Variants in CHURC1 observed in about 807,000 individuals in gnomAD.
The protein encoded by CHURC1 is churchill domain containing 1.
A neutral mutation model predicts 15.4 loss-of-function variants in CHURC1; 12 were observed. The ratio of observed to expected loss-of-function variants is 0.78; its 90% confidence interval spans 0.50 to 1.27. CHURC1 has a LOEUF of 1.27. Ranked by LOEUF, CHURC1 falls within the 50% of genes most tolerant of loss-of-function variation. The probability of loss-of-function intolerance (pLI) is 0.00; values close to 1 mark genes in which losing one functional copy is unlikely to be tolerated. For synonymous variants in CHURC1, 42 were observed against 47.5 expected (o/e 0.88, Z 0.48); for missense variants, 132 against 137.8 (o/e 0.96, Z 0.21).
At chr14:64,926,990 C>CTTTTTTTTTT (rs1208318047) in intron 3 of CHURC1, among the ~76,000 whole-genome samples, 1 of 152,134 alleles carries the variant, frequency 6.6e-6, no homozygotes, top group Non-Finnish European at 1.5e-5. Context: ...GGTTGAGTTA[C>CTTTTTTTTTT]TTATTTTGTG....
intron 1 of CHURC1, among the ~76,000 whole-genome samples, chr14:64,920,445 T>G (rs1285861394): frequency 6.6e-6 from 1 of 152,234 alleles, no homozygotes; most frequent in African/African-American, 2.4e-5. Flanking sequence ...AATTTGGATG[T>G]TAATAGTCTT....
chr14:64,930,804 C>T, intron 3 of CHURC1: 1 of 453,658 alleles, frequency 2.2e-6, no homozygotes, highest in African/African-American at 2.0e-5. Context: ...TAAAAGGTTG[C>T]CATCCAAATA....
chr14:64,934,233 C>G lies in CHURC1; in HGVS notation c.*2003C>G. On this transcript the variant is annotated 3_prime_UTR_variant, in exon 4 of 4. Transcript: ENST00000549115. Reference sequence around the variant, plus strand: ...GGGTGGTGGTATGCACCTGCAGTCCCAGCAACATGGGAGGCTGAACAGGAG... The same window carrying G: ...GGGTGGTGGTATGCACCTGCAGTCCGAGCAACATGGGAGGCTGAACAGGAG... 1 of 313,638 alleles carries G rather than the reference C, an allele frequency of 3.2e-6. No homozygotes were observed. The highest frequency in any genetic ancestry group is 4.6e-6 in the Non-Finnish European group (1 of 216,202). The allele number at this position is 313,638 out of a possible 1,614,324, so 19.4% of individuals were successfully genotyped here.
chr14:64,927,644 C>T (rs1884799773), intron 3 of CHURC1, among the ~76,000 whole-genome samples: 1 of 150,640 alleles, frequency 6.6e-6, no homozygotes. Flanking sequence ...AGTCACGATG[C>T]AAGAAACTAT....
intron 3 of CHURC1, among the ~76,000 whole-genome samples, chr14:64,928,317 A>G (rs954741680): frequency 6.6e-6 from 1 of 152,178 alleles, no homozygotes; most frequent in Admixed American, 6.5e-5. Context: ...GCCTGATCAC[A>G]GCTCCCTGCA....
At chr14:64,916,350 A>T (rs989507265) in intron 1 of CHURC1, among the ~76,000 whole-genome samples, 1 of 152,194 alleles carries the variant, frequency 6.6e-6, no homozygotes, top group Admixed American at 6.5e-5. Context: ...TCCCGGGTGC[A>T]AGCAGTGTTT....
intron 1 of CHURC1, among the ~76,000 whole-genome samples, chr14:64,923,287 A>G (rs1594895576): frequency 6.6e-6 from 1 of 151,538 alleles, no homozygotes; most frequent in South Asian, 2.1e-4. Context: ...AAAAAAAAAA[A>G]GGCTTCCTTT....
rs1885160355 is a variant in CHURC1, at chr14:64,932,949, A to C, written c.*719A>C. The C allele has an allele frequency of 6.6e-6, 1 of 152,260 alleles. No homozygotes were observed. Among genetic ancestry groups the C allele is most frequent in the African/African-American group, 2.4e-5 (1 of 41,442 alleles). 9.4% of individuals were successfully genotyped at this position (152,260 alleles called of 1,614,324 possible). A position where few individuals can be genotyped will look rare whatever the true frequency, so the allele number is the denominator to read the frequency against. ...AGTAACTTTACAGTGGAGAAATCTG[A>C]CAGACACCAGCTCAGCCAGGTGATT... is the stretch of plus-strand genomic sequence containing the variant. On this transcript the variant is annotated 3_prime_UTR_variant, in exon 4 of 4. Coordinates refer to ENST00000549115, the MANE Select transcript of CHURC1 (RefSeq NM_001386928.1).
At chr14:64,914,723 C>T (rs768050013) in intron 1 of CHURC1, among the ~76,000 whole-genome samples, 189 bp downstream of exon 1, 14 of 152,246 alleles carry the variant, frequency 9.2e-5, no homozygotes, top group Non-Finnish European at 1.3e-4. Flanking sequence ...CCCGCCCTGG[C>T]GGCTGACCTC....
At position 64,924,119 on chromosome 14, in the gene CHURC1, C is replaced by T; in HGVS notation, c.168C>T (p.Thr56=). 1 of 1,607,226 alleles carries T rather than the reference C, an allele frequency of 6.2e-7. No individual in the cohort carries two copies. The highest frequency in any genetic ancestry group is 1.1e-5 in the South Asian group (1 of 89,700). Residue 56 remains threonine (T), a synonymous_variant, in exon 2 of 4, where the codon ACC becomes ACT. Coordinates refer to ENST00000549115, the MANE Select transcript of CHURC1 (RefSeq NM_001386928.1). The part of the protein sequence containing the change: ...LKEEDGEEIV[T]YDHLCKNCHH... ...AAGAAGATGGAGAAGAAATAGTTAC[C>T]TATGATCGTAAGTAGACTTTATTTT... is the stretch of plus-strand genomic sequence containing the variant.
intron 1 of CHURC1, among the ~76,000 whole-genome samples, chr14:64,917,283 C>T (rs1883954575): frequency 6.6e-6 from 1 of 152,072 alleles, no homozygotes; most frequent in South Asian, 2.1e-4. Context: ...TACAAATAGT[C>T]TGGGCACGGT....
In CHURC1 at chr14:64,934,778, G is replaced by T. The variant is rs1011241311; in HGVS notation, c.*2548G>T. The T allele has an allele frequency of 1.0e-6, 1 of 985,254 alleles. No individual in the cohort carries two copies. The highest frequency in any genetic ancestry group is 6.2e-5 in the Admixed American group (1 of 16,258). The allele number at this position is 985,254 out of a possible 1,614,324, so 61.0% of individuals were successfully genotyped here. A position where few individuals can be genotyped will look rare whatever the true frequency, so the allele number is the denominator to read the frequency against. Reference sequence around the variant, plus strand: ...AATGCTTCCAACTTAGTCATTTGAAGCCCAAGAGTCTAATTTTATATGCCC... The same window carrying T: ...AATGCTTCCAACTTAGTCATTTGAATCCCAAGAGTCTAATTTTATATGCCC... On this transcript the variant is annotated 3_prime_UTR_variant, in exon 4 of 4. Transcript: ENST00000549115.
intron 1 of CHURC1, among the ~76,000 whole-genome samples, chr14:64,918,644 A>G (rs1474227481): frequency 1.3e-5 from 2 of 152,288 alleles, no homozygotes; most frequent in Non-Finnish European, 2.9e-5. Context: ...CCTGGGCTAC[A>G]TAGTGAGACC....
intron 3 of CHURC1, among the ~76,000 whole-genome samples, chr14:64,931,540 AAAAG>A (rs1346666630): frequency 2.0e-5 from 3 of 152,122 alleles, no homozygotes; most frequent in African/African-American, 7.2e-5. Flanking sequence ...TCTAAAAAAA[AAAAG>A]AAAAAGGACC....
At chr14:64,925,483 C>T (rs1314394731) in intron 2 of CHURC1, among the ~76,000 whole-genome samples, 1 of 151,912 alleles carries the variant, frequency 6.6e-6, no homozygotes, top group African/African-American at 2.4e-5. Flanking sequence ...GACCAGCCTG[C>T]TCAACATAGT....
intron 1 of CHURC1, among the ~76,000 whole-genome samples, chr14:64,917,635 T>C (rs1024451510): frequency 6.6e-6 from 1 of 152,012 alleles, no homozygotes; most frequent in Non-Finnish European, 1.5e-5. Context: ...CCTGTAGTCC[T>C]AGCTACTTGG....
At chr14:64,925,282 A>C (rs567857045) in intron 2 of CHURC1, among the ~76,000 whole-genome samples, 83 of 152,308 alleles carry the variant, frequency 5.4e-4, no homozygotes, top group African/African-American at 1.9e-3. Context: ...GTTACCATTA[A>C]ATTCACTTTA....
chr14:64,929,734 T>G (rs1884968276), intron 3 of CHURC1, among the ~76,000 whole-genome samples: 1 of 152,210 alleles, frequency 6.6e-6, no homozygotes, highest in African/African-American at 2.4e-5. Flanking sequence ...AACGTATCAC[T>G]ACCTCTTTAA....
rs1884505084 is a variant in CHURC1 at position 64,924,052 on chromosome 14, G to A, written c.101G>A (p.Ser34Asn). The A allele has an allele frequency of 1.9e-6, 3 of 1,608,642 alleles. No individual in the cohort carries two copies. Among genetic ancestry groups the A allele is most frequent in the African/African-American group, 2.7e-5 (2 of 74,898 alleles). Reference protein sequence around the residue: ...LLNFTGCAVCSKRDFMLITNK... With the variant: ...LLNFTGCAVCNKRDFMLITNK... ...AACTTTACAGGCTGTGCAGTGTGCA[G>A]TAAGCGGGATTTTATGCTGATCACA... The change falls in exon 2 of 4, where the codon AGT (serine) becomes AAT (asparagine). Residue 34 changes from serine (S) to asparagine (N), a missense_variant. Physicochemically the swap from Ser to Asn is conservative, Grantham distance 46 (BLOSUM62 1). Transcript: ENST00000549115.
Sources: gnomAD v4.1 joint callset for allele counts (sites outside exome capture counted in the v4.1 genomes callset) on GRCh38, gnomAD v4.1.1 for gene constraint, MANE v1.5 for transcripts, NCBI Gene and HGNC (gene_info 2026-07-23, HGNC 2026-07-21) for gene names.